The following SGCZ variants were observed in gnomAD, a reference collection of about 807,000 sequenced individuals.
SGCZ encodes zeta-sarcoglycan.
In SGCZ, 40 loss-of-function variants were observed where a neutral mutation model predicts 41.3. That is an observed-to-expected ratio of 0.97 (90% CI 0.75 to 1.26). The LOEUF (loss-of-function observed/expected upper bound fraction) is 1.26, where lower values mean the gene tolerates loss of function less well. Among genes scored for constraint, SGCZ ranks in the 50% most tolerant of loss-of-function variants. The pLI is 0.00. For missense variants in SGCZ, 552 were observed against 369.8 expected, an observed-to-expected ratio of 1.49 and a Z score of -4.04; for synonymous variants, 206 against 137.5, an observed-to-expected ratio of 1.50 and a Z score of -3.49.
chr8:15,057,981 G>A (rs1000470913), intron 1 of SGCZ, among the ~76,000 whole-genome samples: 5 of 152,132 alleles, frequency 3.3e-5, no homozygotes, highest in African/African-American at 1.2e-4. Context: ...GGTGCAGCAA[G>A]CTGAATTTTC....
At chr8:14,864,831 T>G (rs774472484) in intron 1 of SGCZ, among the ~76,000 whole-genome samples, 12 of 152,032 alleles carry the variant, frequency 7.9e-5, no homozygotes, top group Non-Finnish European at 1.5e-4. Flanking sequence ...CTCATCAGTG[T>G]TTGTTATTTT....
chr8:14,506,616 A>G (rs1328955305), intron 2 of SGCZ, among the ~76,000 whole-genome samples: 1 of 151,786 alleles, frequency 6.6e-6, no homozygotes, highest in Non-Finnish European at 1.5e-5. Context: ...TTTTTGTTCC[A>G]TCTCAAATGT....
intron 2 of SGCZ, among the ~76,000 whole-genome samples, chr8:14,479,604 G>T (rs1472353787): frequency 6.6e-6 from 1 of 152,066 alleles, no homozygotes; most frequent in African/African-American, 2.4e-5. Context: ...TCTTGCTGCT[G>T]CTTCTGCAAT....
intron 1 of SGCZ, among the ~76,000 whole-genome samples, chr8:14,860,257 C>T (rs1306425986): frequency 6.6e-6 from 1 of 151,574 alleles, no homozygotes; most frequent in African/African-American, 2.4e-5. Context: ...TTACCAGATA[C>T]TGCCTGGATT....
At chr8:15,060,410 A>G (rs1804878415) in intron 1 of SGCZ, among the ~76,000 whole-genome samples, 2 of 151,352 alleles carry the variant, frequency 1.3e-5, no homozygotes, top group African/African-American at 2.4e-5. Flanking sequence ...TCAGCAAACT[A>G]TCACAAGGAC....
At chr8:14,418,416 G>C (rs562568155) in intron 2 of SGCZ, among the ~76,000 whole-genome samples, 109 of 152,022 alleles carry the variant, frequency 7.2e-4, no homozygotes, top group African/African-American at 2.5e-3. Context: ...GAATTAGTTT[G>C]TGAGAGAAAC....
At chr8:14,960,244 A>G (rs781719584) in intron 1 of SGCZ, among the ~76,000 whole-genome samples, 6 of 152,082 alleles carry the variant, frequency 3.9e-5, no homozygotes, top group Non-Finnish European at 8.8e-5. Flanking sequence ...GACTGTATTT[A>G]TTGTAACGCT....
chr8:14,889,666 AAT>A (rs781192074), intron 1 of SGCZ, among the ~76,000 whole-genome samples: 25 of 152,244 alleles, frequency 1.6e-4, no homozygotes, highest in Admixed American at 3.9e-4. Flanking sequence ...AATGTTCACA[AAT>A]ATGTTATTAT....
chr8:14,348,214 A>T (rs1802958960), intron 2 of SGCZ, among the ~76,000 whole-genome samples: 1 of 151,696 alleles, frequency 6.6e-6, no homozygotes, highest in African/African-American at 2.4e-5. Flanking sequence ...ATCCTGCACC[A>T]CTCCTGCATG....
intron 3 of SGCZ, among the ~76,000 whole-genome samples, chr8:14,254,401 G>T (rs908288297): frequency 1.3e-5 from 2 of 152,190 alleles, no homozygotes; most frequent in African/African-American, 2.4e-5. Context: ...TGCACTGCTG[G>T]CACTGAGGCC....
At chr8:14,399,952 T>A (rs965711909) in intron 2 of SGCZ, among the ~76,000 whole-genome samples, 2 of 152,070 alleles carry the variant, frequency 1.3e-5, no homozygotes, top group African/African-American at 4.8e-5. Context: ...CCAACCTGGT[T>A]ACTACTCACA....
chr8:14,961,985 T>C (rs1002667713), intron 1 of SGCZ, among the ~76,000 whole-genome samples: 1 of 152,310 alleles, frequency 6.6e-6, no homozygotes, highest in African/African-American at 2.4e-5. Context: ...TATATCATCC[T>C]TTAATTATTT....
chr8:14,791,285 G>A (rs975509022), intron 1 of SGCZ, among the ~76,000 whole-genome samples: 43 of 151,872 alleles, frequency 2.8e-4, no homozygotes, highest in Non-Finnish European at 5.9e-5. Flanking sequence ...AAGAGTGTGA[G>A]ATCGAATTTA....
At chr8:14,604,433 T>C (rs1805684316) in intron 1 of SGCZ, among the ~76,000 whole-genome samples, 1 of 150,438 alleles carries the variant, frequency 6.6e-6, no homozygotes, top group Non-Finnish European at 1.5e-5. Context: ...TTTTTTTTTA[T>C]CTGTGCACTA....
chr8:14,796,581 T>G (rs1448999796), intron 1 of SGCZ, among the ~76,000 whole-genome samples: 3 of 152,232 alleles, frequency 2.0e-5, no homozygotes, highest in African/African-American at 7.2e-5. Flanking sequence ...AGATAACATG[T>G]ACATTAGAAG....
chr8:14,209,838 ATGATTAAGTAAAATATAAC>A, intron 4 of SGCZ, among the ~76,000 whole-genome samples: 2 of 12,058 alleles, frequency 1.7e-4, no homozygotes, highest in South Asian at 7.0e-3. Context: ...TATAACCTGT[ATGATTAAGTAAAATATAAC>A]CTGTATGATT....
chr8:14,244,508 G>A (rs964743072), intron 3 of SGCZ, among the ~76,000 whole-genome samples: 5 of 152,142 alleles, frequency 3.3e-5, no homozygotes, highest in African/African-American at 1.2e-4. Flanking sequence ...TTGTAGTACA[G>A]TTTGAAGTCA....
chr8:14,101,040 T>C (rs377581609), intron 7 of SGCZ, among the ~76,000 whole-genome samples: 1 of 152,062 alleles, frequency 6.6e-6, no homozygotes, highest in South Asian at 2.1e-4. Flanking sequence ...GACTAGCATA[T>C]AAATCATGTA....
At chr8:14,312,880 T>C (rs1408403593) in intron 3 of SGCZ, among the ~76,000 whole-genome samples, 1 of 152,132 alleles carries the variant, frequency 6.6e-6, no homozygotes, top group Non-Finnish European at 1.5e-5. Context: ...AGAAAACTAT[T>C]AGAGTAAGTC....
Sources: gnomAD v4.1 joint callset for allele counts (sites outside exome capture counted in the v4.1 genomes callset) on GRCh38, gnomAD v4.1.1 for gene constraint, MANE v1.5 for transcripts, NCBI Gene and HGNC (gene_info 2026-07-23, HGNC 2026-07-21) for gene names.